The following MBTPS2 variants were observed in gnomAD, a reference collection of about 807,000 sequenced individuals.
MBTPS2 encodes membrane-bound transcription factor site-2 protease.
Under a neutral mutation model 35.4 loss-of-function variants are expected in MBTPS2, and 2 were observed. The observed-to-expected ratio is 0.06, with a 90% CI of 0.02 to 0.18. MBTPS2 has a LOEUF of 0.18. MBTPS2 is among the 10% of genes least tolerant of loss of function. MBTPS2 has a pLI of 1.00. For missense variants in MBTPS2, 244 were observed against 386.5 expected, an observed-to-expected ratio of 0.63 and a Z score of 3.09; for synonymous variants, 125 against 140.4, an observed-to-expected ratio of 0.89 and a Z score of 0.77.
Position 21,883,346 on chromosome X carries a change from T to C in MBTPS2, c.*691T>C. The C allele has an allele frequency of 1.3e-6, 1 of 755,194 alleles. No individual in the cohort carries two copies. Among genetic ancestry groups the C allele is most frequent in the Non-Finnish European group, 1.6e-6 (1 of 640,067 alleles). 62.2% of individuals were successfully genotyped at this position (755,194 alleles called of 1,213,427 possible). On this transcript the variant is annotated 3_prime_UTR_variant, in exon 11 of 11. Coordinates refer to ENST00000379484, the MANE Select transcript of MBTPS2 (RefSeq NM_015884.4). ...TTTATAAGGTGTCTCTGCCCCCTCA[T>C]AAAGCAGCACTAGCTTTGACATCCA... is the stretch of plus-strand genomic sequence containing the variant.
intron 1 of MBTPS2, 137 bp downstream of exon 1, chrX:21,839,946 G>C (rs1025242114): frequency 3.3e-6 from 2 of 600,140 alleles, no homozygotes; most frequent in South Asian, 2.5e-5. Context: ...GGATCGGCCC[G>C]GTGGAGTAAA....
intron 1 of MBTPS2, among the ~76,000 whole-genome samples, chrX:21,842,196 T>C (rs192195044): frequency 6.3e-4 from 71 of 111,939 alleles, no homozygotes; most frequent in Non-Finnish European, 2.8e-4. Context: ...TCATCCAAAA[T>C]CCTATATTAG....
chrX:21,853,379 A>G lies in MBTPS2; in HGVS notation c.546A>G (p.Glu182=), dbSNP rs369612671. 2.8e-5 allele frequency: 34 copies of G among 1,193,688 alleles called. No individual in the cohort carries two copies. In the Admixed American group the frequency reaches 5.5e-4, roughly 19 times the overall value. The stretch of plus-strand genomic sequence containing the variant: ...TTTTTCTTATGTGATTTCTTAGGGA[A>G]CAAGTTCGATTTAATGGCTTTGGGA... The part of the protein sequence containing the change: ...EIGHGIAAIR[E]QVRFNGFGIF... Residue 182 remains glutamate, a synonymous_variant, in exon 5 of 11, where the codon GAA becomes GAG. Coordinates refer to ENST00000379484, the MANE Select transcript of MBTPS2 (RefSeq NM_015884.4).
chrX:21,882,112 C>T (rs2092960160), intron 10 of MBTPS2, among the ~76,000 whole-genome samples: 2 of 111,938 alleles, frequency 1.8e-5, no homozygotes, highest in Non-Finnish European at 3.8e-5. Context: ...CCCCTTATTT[C>T]TTATTCCTTC....
intron 5 of MBTPS2, chrX:21,857,132 G>A (rs745452592): frequency 4.1e-6 from 5 of 1,210,135 alleles, no homozygotes; most frequent in Non-Finnish European, 5.6e-6. Context: ...ACTTGAAAGG[G>A]AAGAAACTTC....
chrX:21,874,001 G>GTGTATATA (rs1555985324), intron 7 of MBTPS2, among the ~76,000 whole-genome samples: 2 of 60,841 alleles, frequency 3.3e-5, no homozygotes, highest in Admixed American at 2.5e-4. Context: ...GTGTGTGTGT[G>GTGTATATA]TATATATATA....
chrX:21,842,747 A>G (rs1400508261), intron 1 of MBTPS2, among the ~76,000 whole-genome samples: 1 of 112,308 alleles, frequency 8.9e-6, no homozygotes, highest in Non-Finnish European at 1.9e-5. Flanking sequence ...TGTGGCTCAC[A>G]TTATATTTCT....
chrX:21,845,708 C>A (rs960432128), intron 3 of MBTPS2, among the ~76,000 whole-genome samples: 1 of 112,260 alleles, frequency 8.9e-6, no homozygotes, highest in African/African-American at 3.2e-5. Context: ...GATTTAAGAT[C>A]TCTATAATGT....
At chrX:21,872,372 A>C (rs774615337) in intron 7 of MBTPS2, 2 of 109,200 alleles carry the variant, frequency 1.8e-5, no homozygotes, top group African/African-American at 6.7e-5. Flanking sequence ...ACACTCAGAA[A>C]CTCTCTTCTT....
intron 1 of MBTPS2, among the ~76,000 whole-genome samples, chrX:21,842,428 T>G (rs2092903620): frequency 9.1e-6 from 1 of 110,414 alleles, no homozygotes; most frequent in African/African-American, 3.3e-5. Flanking sequence ...CTTGGATTGG[T>G]AGGGTTTTTT....
At chrX:21,865,714 T>C (rs768857179) in intron 5 of MBTPS2, among the ~76,000 whole-genome samples, 1 of 112,668 alleles carries the variant, frequency 8.9e-6, no homozygotes, top group Non-Finnish European at 1.9e-5. Flanking sequence ...CAAGGAATAT[T>C]GAGTTGTTAT....
intron 5 of MBTPS2, among the ~76,000 whole-genome samples, chrX:21,867,893 C>T (rs955193924): frequency 9.0e-6 from 1 of 111,443 alleles, no homozygotes; most frequent in Non-Finnish European, 1.9e-5. Flanking sequence ...CCCGCCCTGG[C>T]CTCCCAAAGT....
At chrX:21,862,785 T>G (rs1348864762) in intron 5 of MBTPS2, among the ~76,000 whole-genome samples, 2 of 102,102 alleles carry the variant, frequency 2.0e-5, no homozygotes, top group Non-Finnish European at 4.0e-5. Flanking sequence ...CACTCCAGCC[T>G]GGGCGACAGA....
intron 7 of MBTPS2, among the ~76,000 whole-genome samples, chrX:21,873,550 A>T (rs2147450757): frequency 8.9e-6 from 1 of 111,982 alleles, no homozygotes; most frequent in African/African-American, 3.2e-5. Flanking sequence ...GGCTGTCCTT[A>T]GCAAGTCCAG....
chrX:21,883,863 T>A lies in MBTPS2; in HGVS notation c.*1208T>A. On this transcript the variant is annotated 3_prime_UTR_variant, in exon 11 of 11. Coordinates refer to ENST00000379484, the MANE Select transcript of MBTPS2 (RefSeq NM_015884.4). ...GCTTTGAGGTCTTTTGGAGTGGAGATGCAGCCCTGGGAAATTTGGGGAGTC... is the reference window on the plus strand; with the variant it reads ...GCTTTGAGGTCTTTTGGAGTGGAGAAGCAGCCCTGGGAAATTTGGGGAGTC... 1 of 754,224 alleles carries A rather than the reference T, an allele frequency of 1.3e-6. No homozygotes were observed. The highest frequency in any genetic ancestry group is 1.6e-6 in the Non-Finnish European group (1 of 639,363). 62.2% of individuals were successfully genotyped at this position (754,224 alleles called of 1,213,427 possible). A position where few individuals can be genotyped will look rare whatever the true frequency, so the allele number is the denominator to read the frequency against.
Position 21,883,890 on chromosome X carries a change from G to A in MBTPS2, c.*1235G>A, listed in dbSNP as rs945146094. The A allele has an allele frequency of 7.2e-5, 54 of 751,948 alleles. No homozygotes were observed. Among genetic ancestry groups the A allele is most frequent in the Non-Finnish European group, 7.7e-5 (49 of 639,074 alleles). The allele number at this position is 751,948 out of a possible 1,213,427, so 62.0% of individuals were successfully genotyped here. ...CAGCCCTGGGAAATTTGGGGAGTCA[G>A]CAGGCCAGTGTGAAGCTATTGGTCC... On this transcript the variant is annotated 3_prime_UTR_variant, in exon 11 of 11. Transcript: ENST00000379484.
At chrX:21,869,103 C>G (rs935196186) in intron 6 of MBTPS2, among the ~76,000 whole-genome samples, 1 of 112,217 alleles carries the variant, frequency 8.9e-6, no homozygotes, top group Non-Finnish European at 1.9e-5. Flanking sequence ...ATACATTGTA[C>G]TGATGGTATT....
intron 7 of MBTPS2, among the ~76,000 whole-genome samples, chrX:21,875,112 G>A (rs974773503): frequency 7.1e-5 from 8 of 112,488 alleles, no homozygotes; most frequent in African/African-American, 2.6e-4. Flanking sequence ...CACAGCCATG[G>A]ATTTCTGTTT....
At chrX:21,869,769 TTCTAA>T in intron 7 of MBTPS2, 91 bp downstream of exon 7, 1 of 746,562 alleles carries the variant, frequency 1.3e-6, no homozygotes, top group Non-Finnish European at 2.1e-6. Context: ...ATTTATTCTG[TTCTAA>T]TCTGTTTAAA....
Sources: gnomAD v4.1 joint callset for allele counts (sites outside exome capture counted in the v4.1 genomes callset) on GRCh38, gnomAD v4.1.1 for gene constraint, MANE v1.5 for transcripts, NCBI Gene and HGNC (gene_info 2026-07-23, HGNC 2026-07-21) for gene names.